The following TENT5D variants were observed in gnomAD, a reference collection of about 807,000 sequenced individuals.
The protein encoded by TENT5D is terminal nucleotidyltransferase 5D.
For missense variants in TENT5D, 191 were observed against 287.0 expected (o/e 0.67, Z 2.42); for synonymous variants, 103 against 100.6 (o/e 1.02, Z -0.15).
At chrX:80,353,483 C>CT (rs1930226361) in intron 3 of TENT5D, among the ~76,000 whole-genome samples, 1 of 111,195 alleles carries the variant, frequency 9.0e-6, no homozygotes, top group Non-Finnish European at 1.9e-5. Context: ...TTCTTTGTGT[C>CT]TATGTGTACT....
intron 3 of TENT5D, among the ~76,000 whole-genome samples, chrX:80,354,725 C>T (rs908645391): frequency 8.9e-6 from 1 of 111,989 alleles, no homozygotes; most frequent in Non-Finnish European, 1.9e-5. Flanking sequence ...GGAGCTACTG[C>T]ATTCGTTTGG....
At chrX:80,438,836 A>G (rs1354189604) in intron 2 of TENT5D, 104 bp downstream of exon 2, 1 of 111,096 alleles carries the variant, frequency 9.0e-6, no homozygotes, top group Non-Finnish European at 1.9e-5. Context: ...CGTCAAAGGG[A>G]ACATAGAGTT....
exon 3 of TENT5D, chrX:80,444,029 T>C (rs34189733): frequency 0.013 from 2,529 of 197,027 alleles, 19 homozygotes; most frequent in Non-Finnish European, 0.018. Flanking sequence ...GTGACAAATA[T>C]ATTAGAGATG....
At chrX:80,405,740 G>C (rs974951203) in intron 3 of TENT5D, among the ~76,000 whole-genome samples, 1 of 112,635 alleles carries the variant, frequency 8.9e-6, no homozygotes, top group Admixed American at 9.3e-5. Context: ...CTCGAACTGG[G>C]TGGAGCCCAC....
chrX:80,385,625 G>A (rs1930979075), intron 3 of TENT5D, among the ~76,000 whole-genome samples: 1 of 111,818 alleles, frequency 8.9e-6, no homozygotes, highest in Admixed American at 9.5e-5. Context: ...TACCATCAGA[G>A]TGAACAGGCA....
chrX:80,354,735 G>A (rs1930250406), intron 3 of TENT5D, among the ~76,000 whole-genome samples: 2 of 111,959 alleles, frequency 1.8e-5, no homozygotes, highest in South Asian at 7.4e-4. Flanking sequence ...CATTCGTTTG[G>A]AGGAAGGAAA....
At chrX:80,338,674 C>G (rs1929900021) in intron 2 of TENT5D, among the ~76,000 whole-genome samples, 1 of 112,059 alleles carries the variant, frequency 8.9e-6, no homozygotes, top group Admixed American at 9.5e-5. Flanking sequence ...TTGTTGTCTT[C>G]TAACAAATGA....
intron 3 of TENT5D, among the ~76,000 whole-genome samples, chrX:80,413,860 A>G (rs1266605182): frequency 8.9e-6 from 1 of 112,670 alleles, no homozygotes; most frequent in African/African-American, 3.2e-5. Flanking sequence ...GAAAAAGACC[A>G]AAACAACAAC....
In TENT5D at chrX:80,348,275, G is replaced by A. The variant is rs12687392; in HGVS notation, c.-142+5711G>A. Among the ~76,000 whole-genome samples the A allele has an allele frequency of 6.4e-4, 71 of 111,765 alleles. No individual in the cohort carries two copies. The East Asian group carries it at 0.018, about 29-fold the overall frequency. ...CTTTGGTCAGTATGGCCATTTTCAC[G>A]ATATTGATTCTTCCTATCCATGAGC... On this transcript the variant is annotated intron_variant, in intron 3 of 4. Transcript: ENST00000538312.
chrX:80,406,839 G>A (rs1415938645), intron 3 of TENT5D, among the ~76,000 whole-genome samples: 1 of 80,339 alleles, frequency 1.2e-5, no homozygotes, highest in African/African-American at 4.6e-5. Flanking sequence ...AATGTTAAGG[G>A]CAGCCAGAGA....
exon 3 of TENT5D, chrX:80,443,293 A>G: frequency 8.3e-7 from 1 of 1,211,199 alleles, no homozygotes; most frequent in Non-Finnish European, 1.1e-6. Context: ...GCCAGCCTGT[A>G]TGTCAGAAAT....
At chrX:80,375,481 T>A (rs1930708328) in intron 3 of TENT5D, among the ~76,000 whole-genome samples, 1 of 111,688 alleles carries the variant, frequency 9.0e-6, no homozygotes, top group Admixed American at 9.6e-5. Flanking sequence ...GAAGACATGA[T>A]AACTTTATAA....
In TENT5D at chrX:80,340,075, T is replaced by C. The variant is rs184695447; in HGVS notation, c.-206-2425T>C. Among the ~76,000 whole-genome samples, 539 of 111,220 alleles carry C rather than the reference T, an allele frequency of 4.8e-3. 1 individual carries two copies. The highest frequency in any genetic ancestry group is 0.016 in the African/African-American group (504 of 30,751). On this transcript the variant is annotated intron_variant, in intron 2 of 4. Coordinates refer to the TENT5D transcript ENST00000538312. Reference sequence around the variant, plus strand: ...GTAGGAAATAATAAAACATTTGCTATTATTACAGATACTTTAGGGATAATT... The same window carrying C: ...GTAGGAAATAATAAAACATTTGCTACTATTACAGATACTTTAGGGATAATT...
chrX:80,385,804 C>T (rs1391309551), intron 3 of TENT5D, among the ~76,000 whole-genome samples: 4 of 112,320 alleles, frequency 3.6e-5, no homozygotes, highest in African/African-American at 1.3e-4. Context: ...TTTATGCAAA[C>T]AAAAGACACA....
intron 3 of TENT5D, among the ~76,000 whole-genome samples, chrX:80,412,328 G>A (rs1931687754): frequency 8.9e-6 from 1 of 112,427 alleles, no homozygotes; most frequent in Non-Finnish European, 1.9e-5. Context: ...AGGCTGCCAC[G>A]AAGGTCTCTG....
chrX:80,411,226 C>G (rs1158063122), intron 3 of TENT5D, among the ~76,000 whole-genome samples: 1 of 109,429 alleles, frequency 9.1e-6, no homozygotes, highest in Non-Finnish European at 1.9e-5. Flanking sequence ...CACATGTACC[C>G]TAAAACTTAA....
chrX:80,396,597 C>CAA (rs746351131), intron 3 of TENT5D, among the ~76,000 whole-genome samples: 21 of 110,491 alleles, frequency 1.9e-4, no homozygotes, highest in African/African-American at 5.3e-4. Context: ...AGGGTAAGGT[C>CAA]AGAGATCAAC....
rs187498233 is a variant in TENT5D, at chrX:80,353,955, T to A, written c.-142+11391T>A. On this transcript the variant is annotated intron_variant, in intron 3 of 4. Transcript: ENST00000538312. ...GGCAGAATGTGTTATTATTATTATTTTTTTTTACTTTTGAACAGTTACCAT... is the reference window on the plus strand; with the variant it reads ...GGCAGAATGTGTTATTATTATTATTATTTTTTACTTTTGAACAGTTACCAT... Among the ~76,000 whole-genome samples, 871 of 111,863 alleles carry A rather than the reference T, an allele frequency of 7.8e-3. 8 individuals are homozygous for A. Among genetic ancestry groups the A allele is most frequent in the African/African-American group, 0.026 (792 of 30,776 alleles).
At chrX:80,366,325 T>C (rs1451421968) in intron 3 of TENT5D, among the ~76,000 whole-genome samples, 2 of 109,873 alleles carry the variant, frequency 1.8e-5, no homozygotes, top group Non-Finnish European at 3.8e-5. Flanking sequence ...ATTGAGAAAA[T>C]AGTAAAATGT....
Sources: gnomAD v4.1 joint callset for allele counts (sites outside exome capture counted in the v4.1 genomes callset) on GRCh38, gnomAD v4.1.1 for gene constraint, MANE v1.5 for transcripts, NCBI Gene and HGNC (gene_info 2026-07-23, HGNC 2026-07-21) for gene names.